The following TMEM233 variants were observed in gnomAD, a reference collection of about 807,000 sequenced individuals.
TMEM233 encodes the protein dispanin subfamily B member 2.
A neutral mutation model predicts 11.2 loss-of-function variants in TMEM233; 6 were observed. The ratio of observed to expected loss-of-function variants is 0.54; its 90% CI spans 0.29 to 1.06. TMEM233 has a LOEUF of 1.06. Among genes scored for constraint, TMEM233 ranks in the 50% least tolerant of loss-of-function variants. The pLI, the probability that TMEM233 is intolerant of heterozygous loss-of-function variation, is 0.08. For missense variants in TMEM233, 127 were observed against 144.7 expected, an observed-to-expected ratio of 0.88 and a Z score of 0.63; for synonymous variants, 59 against 55.8, an observed-to-expected ratio of 1.06 and a Z score of -0.26.
Position 119,629,779 on chromosome 12 carries a change from G to A in TMEM233, c.230G>A (p.Arg77Gln), listed in dbSNP as rs777520610. The A allele has an allele frequency of 2.0e-5, 31 of 1,551,522 alleles. No individual in the cohort carries two copies. Among genetic ancestry groups the A allele is most frequent in the African/African-American group, 8.2e-5 (6 of 73,034 alleles). The change falls in exon 2 of 3, where the codon CGG becomes CAG. Residue 77 changes from arginine (R) to glutamine (Q), a missense_variant. By Grantham distance (43) the Arg-to-Gln change is conservative (BLOSUM62 1). Coordinates refer to ENST00000426426, the MANE Select transcript of TMEM233 (RefSeq NM_001136534.3). The stretch of plus-strand genomic sequence containing the variant: ...GATGGAGACTACGAAGGAGCCAGGC[G>A]GCTTGGGCGGAATGCTAAGTGGGTA... Reference protein sequence around the residue: ...YNDGDYEGARRLGRNAKWVAI... With the variant: ...YNDGDYEGARQLGRNAKWVAI...
In TMEM233 at chr12:119,629,716, T is replaced by C. The variant is rs1327353597; in HGVS notation, c.187-20T>C. ...CTGTGGGTTATCTGTCATCACCAGCTCTTCCCTTCTGTCCCCCAGTCTCTG... is the reference window on the plus strand; with the variant it reads ...CTGTGGGTTATCTGTCATCACCAGCCCTTCCCTTCTGTCCCCCAGTCTCTG... On this transcript the variant is annotated intron_variant, in intron 1 of 2. Coordinates refer to ENST00000426426, the MANE Select transcript of TMEM233 (RefSeq NM_001136534.3). 2 of 1,544,936 alleles carry C rather than the reference T, an allele frequency of 1.3e-6. No individual in the cohort carries two copies. The highest frequency in any genetic ancestry group is 8.7e-7 in the Non-Finnish European group (1 of 1,144,348).
intron 1 of TMEM233, among the ~76,000 whole-genome samples, chr12:119,597,469 T>A (rs1593272695): frequency 1.4e-5 from 2 of 146,392 alleles, no homozygotes; most frequent in East Asian, 2.0e-4. Context: ...TCCAGAATGG[T>A]AAAAAAAAAA....
At chr12:119,634,955 T>A (rs1221129863) in intron 2 of TMEM233, among the ~76,000 whole-genome samples, 1 of 152,192 alleles carries the variant, frequency 6.6e-6, no homozygotes, top group Non-Finnish European at 1.5e-5. Flanking sequence ...ACTGAAATAT[T>A]AAACCATTTT....
At chr12:119,609,442 C>A (rs758461434) in intron 1 of TMEM233, among the ~76,000 whole-genome samples, 18 of 152,308 alleles carry the variant, frequency 1.2e-4, no homozygotes, top group Admixed American at 3.9e-4. Flanking sequence ...AACCAGGAGC[C>A]AAATGTTAAT....
At position 119,634,976 on chromosome 12, in the gene TMEM233, G is replaced by A. The variant is rs4766945; in HGVS notation, c.323+5104G>A. On this transcript the variant is annotated intron_variant, in intron 2 of 2. Transcript: ENST00000426426. ...ATATTAAACCATTTTGGATAGAATC[G>A]TGCATTGACAGCAGGGAATTGTTCT... Among the ~76,000 whole-genome samples the A allele has an allele frequency of 1.4e-4, 22 of 152,218 alleles. No individual in the cohort carries two copies. The East Asian group carries it at 3.1e-3, about 21-fold the overall frequency.
chr12:119,608,578 C>A (rs1954331626), intron 1 of TMEM233, among the ~76,000 whole-genome samples: 1 of 152,206 alleles, frequency 6.6e-6, no homozygotes, highest in Non-Finnish European at 1.5e-5. Flanking sequence ...AATCTCTAGC[C>A]CCTGCCGCCA....
chr12:119,631,636 G>A (rs893035201), intron 2 of TMEM233: 105 of 985,302 alleles, frequency 1.1e-4, no homozygotes, highest in Non-Finnish European at 1.2e-4. Context: ...AAGGTGTAAG[G>A]TGCTTGTGAA....
intron 1 of TMEM233, among the ~76,000 whole-genome samples, chr12:119,624,398 G>A (rs1319184215): frequency 6.6e-6 from 1 of 151,952 alleles, no homozygotes; most frequent in African/African-American, 2.4e-5. Flanking sequence ...TAATGCAAGA[G>A]CAACTCAGCC....
chr12:119,638,540 A>G (rs568076422), intron 2 of TMEM233, among the ~76,000 whole-genome samples: 30 of 152,326 alleles, frequency 2.0e-4, no homozygotes, highest in African/African-American at 7.0e-4. Flanking sequence ...ATCTCCAGTA[A>G]CAGGGCCAGG....
intron 1 of TMEM233, among the ~76,000 whole-genome samples, chr12:119,606,350 C>T (rs184382919): frequency 7.9e-5 from 12 of 151,974 alleles, no homozygotes; most frequent in African/African-American, 2.4e-4. Context: ...AGGGAGAAAA[C>T]TCACTTCTCA....
In TMEM233 at chr12:119,642,849, C is replaced by T. The variant is rs1955104889; in HGVS notation, c.*2144C>T. On this transcript the variant is annotated 3_prime_UTR_variant, in exon 3 of 3. Transcript: ENST00000426426. ...ATCAGATTCAACCTGTCATTTTACC[C>T]GGATGTTGTGATGAGCCAGCACTTG... 1 of 152,000 alleles carries T rather than the reference C, an allele frequency of 6.6e-6. No homozygotes were observed. Among genetic ancestry groups the T allele is most frequent in the Admixed American group, 6.5e-5 (1 of 15,268 alleles). 9.4% of individuals were successfully genotyped at this position (152,000 alleles called of 1,614,324 possible). A position where few individuals can be genotyped will look rare whatever the true frequency, so the allele number is the denominator to read the frequency against.
chr12:119,621,857 G>A (rs1394287256), intron 1 of TMEM233, among the ~76,000 whole-genome samples: 1 of 152,194 alleles, frequency 6.6e-6, no homozygotes, highest in Non-Finnish European at 1.5e-5. Context: ...AGACCAGCTA[G>A]CCAAAGCAAA....
chr12:119,640,625 A>G lies in TMEM233; in HGVS notation c.324-74A>G, dbSNP rs1450849280. 5 of 1,502,656 alleles carry G rather than the reference A, an allele frequency of 3.3e-6. No individual in the cohort carries two copies. In the Admixed American group the frequency reaches 5.9e-5, roughly 18 times the overall value. The allele number at this position is 1,502,656 out of a possible 1,614,324, so 93.1% of individuals were successfully genotyped here. ...GTCATCATCATCAAATAAGGAAGGC[A>G]TCGAGCTGGGAAAGCCAACCACAGA... is the stretch of plus-strand genomic sequence containing the variant. On this transcript the variant is annotated intron_variant, in intron 2 of 2. Transcript: ENST00000426426.
chr12:119,604,888 C>T (rs1351915606), intron 1 of TMEM233, among the ~76,000 whole-genome samples: 2 of 152,096 alleles, frequency 1.3e-5, no homozygotes, highest in Admixed American at 6.5e-5. Context: ...CCTGCCTTAG[C>T]CTCCAAAGTG....
At chr12:119,647,027 C>CCCA (rs1455888090), downstream of TMEM233, among the ~76,000 whole-genome samples, 5 of 152,222 alleles carry the variant, frequency 3.3e-5, no homozygotes, top group East Asian at 1.9e-4. Flanking sequence ...CCAACCCACA[C>CCCA]ACCCAGTGAC....
intron 1 of TMEM233, among the ~76,000 whole-genome samples, chr12:119,613,213 CAAAAA>C (rs3077328): frequency 3.3e-5 from 4 of 122,304 alleles, no homozygotes; most frequent in Non-Finnish European, 3.4e-5. Flanking sequence ...AAGCCTGTTC[CAAAAA>C]AAAAAAAAAA....
At chr12:119,617,455 C>G (rs1050749055) in intron 1 of TMEM233, among the ~76,000 whole-genome samples, 1 of 152,076 alleles carries the variant, frequency 6.6e-6, no homozygotes, top group African/African-American at 2.4e-5. Flanking sequence ...GGGGATCTGG[C>G]AGAAGAAATT....
chr12:119,648,734 G>C, the TMEM233 span, among the ~76,000 whole-genome samples: 1 of 152,098 alleles, frequency 6.6e-6, no homozygotes, highest in Non-Finnish European at 1.5e-5. Context: ...GTTTCCAATA[G>C]TTATTTAATG....
chr12:119,624,872 C>A (rs537251226), intron 1 of TMEM233, among the ~76,000 whole-genome samples: 32 of 152,202 alleles, frequency 2.1e-4, no homozygotes, highest in African/African-American at 6.7e-4. Flanking sequence ...AAATCACACA[C>A]AAAAAACATG....
Sources: gnomAD v4.1 joint callset for allele counts (sites outside exome capture counted in the v4.1 genomes callset) on GRCh38, gnomAD v4.1.1 for gene constraint, MANE v1.5 for transcripts, NCBI Gene and HGNC (gene_info 2026-07-23, HGNC 2026-07-21) for gene names.